Variants in TCEA1 observed in about 807,000 individuals in gnomAD.
TCEA1 encodes the protein transcription elongation factor A1.
A neutral mutation model predicts 43.8 loss-of-function variants in TCEA1; 21 were observed. The ratio of observed to expected loss-of-function variants is 0.48; its 90% CI spans 0.34 to 0.69. TCEA1 has a LOEUF of 0.69. Ranked by LOEUF, TCEA1 falls within the 30% of genes least tolerant of loss-of-function variation. TCEA1 has a pLI of 0.01. For missense variants in TCEA1, 250 were observed against 365.1 expected (o/e 0.68, Z 2.57); for synonymous variants, 104 against 117.5 (o/e 0.88, Z 0.75).
At chr8:53,999,219 A>G (rs550302102) in intron 3 of TCEA1, among the ~76,000 whole-genome samples, 21 of 124,142 alleles carry the variant, frequency 1.7e-4, no homozygotes, top group Admixed American at 4.2e-4. Flanking sequence ...AGTGAGACTC[A>G]GTCTCAAAAA....
At chr8:54,021,925 G>A in intron 1 of TCEA1, 138 bp downstream of exon 1, 1 of 811,158 alleles carries the variant, frequency 1.2e-6, no homozygotes, top group Non-Finnish European at 1.7e-6. Context: ...ACCCTCCCCG[G>A]GGACGCGGGC....
At chr8:54,008,172 CAAAAAAAAAAA>C (rs777634895) in intron 2 of TCEA1, among the ~76,000 whole-genome samples, 4 of 42,336 alleles carry the variant, frequency 9.4e-5, no homozygotes, top group Non-Finnish European at 1.3e-4. Flanking sequence ...AACTGTGTCT[CAAAAAAAAAAA>C]AAAAAAAAAA....
At chr8:53,976,674 T>C (rs917354313) in intron 8 of TCEA1, among the ~76,000 whole-genome samples, 5 of 145,060 alleles carry the variant, frequency 3.4e-5, no homozygotes, top group Non-Finnish European at 7.4e-5. Flanking sequence ...TTAAAGAAGT[T>C]TTAACTTTTA....
At chr8:53,981,700 G>A (rs1803507606) in intron 7 of TCEA1, among the ~76,000 whole-genome samples, 1 of 151,812 alleles carries the variant, frequency 6.6e-6, no homozygotes, top group South Asian at 2.1e-4. Context: ...TTATTTTCAT[G>A]CCTGCTAACA....
chr8:53,983,315 C>A (rs1489841836), intron 7 of TCEA1, among the ~76,000 whole-genome samples: 1 of 152,120 alleles, frequency 6.6e-6, no homozygotes, highest in Non-Finnish European at 1.5e-5. Flanking sequence ...TGCAGTAGTC[C>A]AATCCAAACT....
chr8:53,989,579 T>C (rs1803806815), intron 4 of TCEA1, among the ~76,000 whole-genome samples: 1 of 152,190 alleles, frequency 6.6e-6, no homozygotes, highest in African/African-American at 2.4e-5. Context: ...TCCCAAAATA[T>C]TGATTCACAC....
intron 3 of TCEA1, among the ~76,000 whole-genome samples, chr8:53,997,001 G>A (rs973933382): frequency 6.8e-5 from 10 of 148,026 alleles, no homozygotes; most frequent in African/African-American, 2.5e-4. Context: ...CCGGGTTCAC[G>A]CCATTCTCCT....
intron 7 of TCEA1, among the ~76,000 whole-genome samples, chr8:53,983,592 C>T (rs1259548514): frequency 6.6e-6 from 1 of 151,930 alleles, no homozygotes; most frequent in African/African-American, 2.4e-5. Flanking sequence ...CGCTTGAACC[C>T]GGGAGGCAGA....
At position 53,967,142 on chromosome 8, in the gene TCEA1, A is replaced by G. The variant is rs1803010157; in HGVS notation, c.*962T>C. On this transcript the variant is annotated 3_prime_UTR_variant, in exon 10 of 10. Transcript: ENST00000521604. ...TTATTTTCTATCAGTCTCCACATGG[A>G]AAGACCACAGCTTTAATGAATTATA... is the stretch of plus-strand genomic sequence containing the variant. The G allele has an allele frequency of 4.7e-6, 1 of 211,454 alleles. No homozygotes were observed. Among genetic ancestry groups the G allele is most frequent in the Non-Finnish European group, 9.6e-6 (1 of 103,974 alleles). The allele number at this position is 211,454 out of a possible 1,614,324, so 13.1% of individuals were successfully genotyped here. A position where few individuals can be genotyped will look rare whatever the true frequency, so the allele number is the denominator to read the frequency against.
At chr8:53,983,567 C>G (rs576423292) in intron 7 of TCEA1, among the ~76,000 whole-genome samples, 1 of 152,040 alleles carries the variant, frequency 6.6e-6, no homozygotes, top group Non-Finnish European at 1.5e-5. Context: ...GCAGGAGAAT[C>G]TGAAGCAGGA....
At chr8:53,977,902 TAA>T (rs1262785672) in intron 8 of TCEA1, among the ~76,000 whole-genome samples, 1 of 152,184 alleles carries the variant, frequency 6.6e-6, no homozygotes, top group Non-Finnish European at 1.5e-5. Flanking sequence ...GAACTTTCCT[TAA>T]ATTATATAGT....
intron 8 of TCEA1, among the ~76,000 whole-genome samples, chr8:53,975,867 A>G (rs1368567363): frequency 1.3e-5 from 2 of 152,194 alleles, no homozygotes; most frequent in Non-Finnish European, 2.9e-5. Context: ...TAACTGGTTA[A>G]GTTGGGAAAT....
Position 53,988,278 on chromosome 8 carries a change from C to T in TCEA1, c.321-19G>A. 16 of 1,604,394 alleles carry T rather than the reference C, an allele frequency of 1.0e-5. No individual in the cohort carries two copies. The highest frequency in any genetic ancestry group is 1.3e-5 in the Non-Finnish European group (15 of 1,174,254). ...GGAAGTACTGAAATACGCACAAACA[C>T]CCCAAAAAGAAATCAAGAACAATCC... On this transcript the variant is annotated intron_variant, in intron 4 of 9. Coordinates refer to ENST00000521604, the MANE Select transcript of TCEA1 (RefSeq NM_006756.4).
chr8:54,022,279 G>C lies in TCEA1; in HGVS notation c.-154C>G. The C allele has an allele frequency of 3.2e-6, 2 of 631,124 alleles. No homozygotes were observed. Among genetic ancestry groups the C allele is most frequent in the South Asian group, 1.9e-5 (1 of 52,662 alleles). The allele number at this position is 631,124 out of a possible 1,614,324, so 39.1% of individuals were successfully genotyped here. A position where few individuals can be genotyped will look rare whatever the true frequency, so the allele number is the denominator to read the frequency against. ...CCCCTTCCTTACGAACGAAGCCCGCGGCGGCGGCGGCGGCGGCGGCGGCTC... is the reference window on the plus strand; with the variant it reads ...CCCCTTCCTTACGAACGAAGCCCGCCGCGGCGGCGGCGGCGGCGGCGGCTC... On this transcript the variant is annotated 5_prime_UTR_variant, in exon 1 of 10. Coordinates refer to ENST00000521604, the MANE Select transcript of TCEA1 (RefSeq NM_006756.4).
chr8:53,980,740 T>C (rs1347091212), intron 7 of TCEA1, among the ~76,000 whole-genome samples: 1 of 152,108 alleles, frequency 6.6e-6, no homozygotes, highest in Non-Finnish European at 1.5e-5. Context: ...AACCCTACAA[T>C]GGCCTCTAAG....
chr8:54,011,113 T>C (rs997536545), intron 1 of TCEA1, among the ~76,000 whole-genome samples: 11 of 152,258 alleles, frequency 7.2e-5, no homozygotes, highest in African/African-American at 2.4e-4. Flanking sequence ...TTATAACTTC[T>C]TTCTACTTTT....
intron 7 of TCEA1, among the ~76,000 whole-genome samples, chr8:53,981,945 T>C (rs1313008095): frequency 1.3e-4 from 19 of 150,104 alleles, no homozygotes; most frequent in Non-Finnish European, 2.4e-4. Flanking sequence ...TTTTTTTTTT[T>C]GTAGAGATGG....
intron 3 of TCEA1, among the ~76,000 whole-genome samples, chr8:53,995,415 C>T (rs990711530): frequency 3.3e-5 from 5 of 151,562 alleles, no homozygotes; most frequent in Admixed American, 2.0e-4. Flanking sequence ...GCTATAACTG[C>T]ACCACTGCAC....
chr8:53,992,252 C>A (rs935266485), intron 4 of TCEA1, among the ~76,000 whole-genome samples: 5 of 151,718 alleles, frequency 3.3e-5, no homozygotes, highest in Non-Finnish European at 7.4e-5. Context: ...GTGGAGGTGG[C>A]AGTGAGTCGA....
Sources: allele counts gnomAD v4.1 joint callset (sites outside exome capture counted in the v4.1 genomes callset), GRCh38; gene constraint gnomAD v4.1.1; transcripts MANE v1.5; gene names NCBI Gene and HGNC (gene_info 2026-07-23, HGNC 2026-07-21).